Variants in VPS53 observed in about 807,000 individuals in gnomAD.
VPS53 encodes vacuolar protein sorting-associated protein 53 homolog.
In VPS53, 70 loss-of-function variants were observed where a neutral mutation model predicts 107.0. That is an observed-to-expected ratio of 0.65 (90% CI 0.54 to 0.80). The LOEUF is 0.80. Among genes scored for constraint, VPS53 ranks in the 30% least tolerant of loss-of-function variants. The probability of loss-of-function intolerance (pLI) is 0.00; values close to 1 mark genes in which losing one functional copy is unlikely to be tolerated. For missense variants in VPS53, 917 were observed against 1,049.4 expected, an observed-to-expected ratio of 0.87 and a Z score of 1.74; for synonymous variants, 409 against 393.3, an observed-to-expected ratio of 1.04 and a Z score of -0.47.
intron 4 of VPS53, among the ~76,000 whole-genome samples, chr17:693,951 C>G (rs988497421): frequency 6.6e-6 from 1 of 152,148 alleles, no homozygotes; most frequent in East Asian, 1.9e-4. Flanking sequence ...TATTTTGGAA[C>G]ATCCGTAATT....
intron 12 of VPS53, among the ~76,000 whole-genome samples, chr17:592,281 T>G (rs1967705871): frequency 6.6e-6 from 1 of 152,228 alleles, no homozygotes; most frequent in Admixed American, 6.5e-5. Flanking sequence ...GCCTATGTGG[T>G]GTCTCTGCCC....
intron 7 of VPS53, among the ~76,000 whole-genome samples, chr17:650,232 C>T (rs542165274): frequency 7.2e-5 from 11 of 152,322 alleles, no homozygotes; most frequent in Non-Finnish European, 1.5e-4. Context: ...CAGTGGCTCA[C>T]GCTTGTAATC....
At position 627,225 on chromosome 17, in the gene VPS53, C is replaced by A; in HGVS notation, c.923G>T (p.Arg308Leu). ...YEEKYGRMFP[R>L]EWCMAERIAV... ...AATCCTCTCAGCCATGCACCACTCA[C>A]GTGGAAACATGCGGCCGTATTTCTC... The change falls in exon 10 of 22, where the codon CGT (arginine) becomes CTT (leucine). Residue 308 changes from arginine to leucine, a missense_variant. Transcript: ENST00000437048. 1 of 1,614,140 alleles carries A rather than the reference C, an allele frequency of 6.2e-7. No homozygotes were observed.
chr17:524,420 GAAAC>G lies in VPS53; in HGVS notation c.2086-2686_2086-2683del, dbSNP rs1206114173. On this transcript the variant is annotated intron_variant, in intron 19 of 21. Coordinates refer to ENST00000437048, the MANE Select transcript of VPS53 (RefSeq NM_001128159.3). This position sits in a 1 kb window ranked among gnomAD's most constrained non-coding sequence, Gnocchi z 4.5. The stretch of plus-strand genomic sequence containing the variant: ...AAAATGAAAGGCATCTATATCAGAA[GAAAC>G]AAACAAAGTAAAAGACAAGACATAA... Among the ~76,000 whole-genome samples, 1 of 152,160 alleles carries G rather than the reference GAAAC, an allele frequency of 6.6e-6. No homozygotes were observed. The highest frequency in any genetic ancestry group is 1.5e-5 in the Non-Finnish European group (1 of 68,024).
At chr17:568,646 T>G (rs1279340264) in intron 13 of VPS53, among the ~76,000 whole-genome samples, 2 of 152,182 alleles carry the variant, frequency 1.3e-5, no homozygotes, top group Admixed American at 6.5e-5. Flanking sequence ...CCAGTGGGGC[T>G]GGGGAGCCAA....
chr17:536,709 A>G (rs1910097899), intron 18 of VPS53: 1 of 246,920 alleles, frequency 4.0e-6, no homozygotes, highest in South Asian at 5.9e-5. Flanking sequence ...ATGGTTTTAA[A>G]AACAACCCAG....
At chr17:521,846 G>C in intron 19 of VPS53, 108 bp from the exon 20 acceptor site, 4 of 1,246,368 alleles carry the variant, frequency 3.2e-6, no homozygotes, top group Non-Finnish European at 4.1e-6. Context: ...ACACATTCTT[G>C]TTGCAAAAAA....
intron 4 of VPS53, among the ~76,000 whole-genome samples, chr17:695,871 C>T (rs551204284): frequency 6.6e-6 from 1 of 152,080 alleles, no homozygotes; most frequent in Non-Finnish European, 1.5e-5. Context: ...ATTTAGTGGC[C>T]AGAGCTGATA....
chr17:595,900 T>C (rs1158463419), intron 12 of VPS53, among the ~76,000 whole-genome samples: 2 of 131,180 alleles, frequency 1.5e-5, no homozygotes, highest in African/African-American at 3.2e-5. Context: ...AGTGTCCCCC[T>C]GGAGGAAGCT....
chr17:655,546 G>T (rs1971155331), intron 6 of VPS53, among the ~76,000 whole-genome samples: 1 of 145,634 alleles, frequency 6.9e-6, no homozygotes, highest in Non-Finnish European at 1.5e-5. Flanking sequence ...ATGGCCCTGT[G>T]TCACTCTGTC....
intron 7 of VPS53, among the ~76,000 whole-genome samples, chr17:633,430 T>C (rs1383934089): frequency 6.6e-6 from 1 of 152,228 alleles, no homozygotes; most frequent in African/African-American, 2.4e-5. Flanking sequence ...TCCTTCAGAA[T>C]TAACTTTATG....
intron 10 of VPS53, among the ~76,000 whole-genome samples, chr17:626,620 G>A (rs571968937): frequency 1.3e-5 from 2 of 152,212 alleles, no homozygotes; most frequent in South Asian, 4.1e-4. Context: ...GTGGCAGTGA[G>A]CTGGGATTGT....
chr17:556,018 C>T lies in VPS53; in HGVS notation c.1705-2556G>A, dbSNP rs370478426. Among the ~76,000 whole-genome samples the T allele has an allele frequency of 1.7e-4, 26 of 152,164 alleles. No individual in the cohort carries two copies. The South Asian group carries it at 2.3e-3, about 13-fold the overall frequency. ...AGCAGGCTGGACCCAGTGGCTCACC[C>T]GGTAATCCCAACTCTTTGGGGGCTG... On this transcript the variant is annotated intron_variant, in intron 15 of 21. Coordinates refer to ENST00000437048, the MANE Select transcript of VPS53 (RefSeq NM_001128159.3).
At chr17:622,632 T>G (rs1969516364) in intron 11 of VPS53, among the ~76,000 whole-genome samples, 2 of 152,222 alleles carry the variant, frequency 1.3e-5, no homozygotes, top group African/African-American at 4.8e-5. Flanking sequence ...GTCACTTGGT[T>G]TCCCAGTGGA....
chr17:588,946 A>C (rs1457077773), intron 12 of VPS53, among the ~76,000 whole-genome samples: 3 of 144,802 alleles, frequency 2.1e-5, no homozygotes, highest in Non-Finnish European at 3.0e-5. Context: ...AGATGACTTA[A>C]GTGAATAGAA....
At chr17:699,866 G>C (rs1438763269) in intron 2 of VPS53, among the ~76,000 whole-genome samples, 2 of 152,234 alleles carry the variant, frequency 1.3e-5, no homozygotes, top group East Asian at 1.9e-4. Flanking sequence ...GACACAAGGG[G>C]ACAGAGGATA....
intron 13 of VPS53, among the ~76,000 whole-genome samples, chr17:566,599 C>T (rs146257265): frequency 4.7e-4 from 71 of 152,080 alleles, no homozygotes; most frequent in African/African-American, 1.6e-3. Flanking sequence ...GGATGGAGGC[C>T]GGTGCAGTGG....
At chr17:535,224 G>A (rs1413701635) in intron 18 of VPS53, among the ~76,000 whole-genome samples, 8 of 152,252 alleles carry the variant, frequency 5.3e-5, no homozygotes, top group East Asian at 3.9e-4. Context: ...ACAGATGTGA[G>A]GGGGGGCATC....
intron 2 of VPS53, among the ~76,000 whole-genome samples, chr17:708,501 G>A (rs1468329844): frequency 6.6e-6 from 1 of 152,210 alleles, no homozygotes; most frequent in Non-Finnish European, 1.5e-5. Context: ...TGGACCAGGA[G>A]CATGACCACT....
Sources: allele counts gnomAD v4.1 joint callset (sites outside exome capture counted in the v4.1 genomes callset), GRCh38; gene constraint gnomAD v4.1.1; non-coding constraint Gnocchi (gnomAD v3.1); transcripts MANE v1.5; gene names NCBI Gene and HGNC (gene_info 2026-07-23, HGNC 2026-07-21).